AKAP6: variants seen among roughly 807,000 people sequenced by gnomAD.
AKAP6 encodes the protein A-kinase anchor protein 6.
Under a neutral mutation model 188.5 loss-of-function variants are expected in AKAP6, and 58 were observed. The ratio of observed to expected loss-of-function variants is 0.31; its 90% CI spans 0.25 to 0.38. The LOEUF is 0.38. Among genes scored for constraint, AKAP6 ranks in the 10% least tolerant of loss-of-function variants. AKAP6 has a pLI of 1.00. For synonymous variants in AKAP6, 989 were observed against 998.6 expected, an observed-to-expected ratio of 0.99 and a Z score of 0.18; for missense variants, 2,710 against 2,740.0, an observed-to-expected ratio of 0.99 and a Z score of 0.24.
intron 7 of AKAP6, among the ~76,000 whole-genome samples, chr14:32,626,032 T>C (rs534646032): frequency 1.5e-3 from 233 of 152,246 alleles, no homozygotes; most frequent in Non-Finnish European, 2.8e-3. Context: ...TACAAATACG[T>C]GGAAGCACTA....
chr14:32,737,862 T>G (rs1344538485), intron 11 of AKAP6, among the ~76,000 whole-genome samples: 1 of 152,186 alleles, frequency 6.6e-6, no homozygotes, highest in East Asian at 1.9e-4. Context: ...GAACTGCGTT[T>G]CCTTCTAATA....
intron 12 of AKAP6, among the ~76,000 whole-genome samples, chr14:32,775,950 AAG>A (rs1455102491): frequency 1.3e-5 from 2 of 152,212 alleles, no homozygotes; most frequent in African/African-American, 4.8e-5. Context: ...AAAAGGAATG[AAG>A]AGAGTGGTCT....
intron 2 of AKAP6, among the ~76,000 whole-genome samples, chr14:32,434,179 G>A (rs1164738433): frequency 6.6e-6 from 1 of 152,188 alleles, no homozygotes; most frequent in African/African-American, 2.4e-5. Flanking sequence ...AGCTGTGATT[G>A]TGAGTATTTG....
chr14:32,515,025 G>A (rs1474201480), intron 2 of AKAP6, among the ~76,000 whole-genome samples: 1 of 152,168 alleles, frequency 6.6e-6, no homozygotes, highest in African/African-American at 2.4e-5. Context: ...GAATGTATTA[G>A]TCTGTTCTCA....
At chr14:32,809,115 T>A (rs985258595) in intron 12 of AKAP6, among the ~76,000 whole-genome samples, 2 of 152,246 alleles carry the variant, frequency 1.3e-5, no homozygotes, top group Admixed American at 6.5e-5. Flanking sequence ...TCAGTGTACG[T>A]GGGCTTTGGA....
intron 7 of AKAP6, among the ~76,000 whole-genome samples, chr14:32,602,234 C>CA (rs1885956459): frequency 6.6e-6 from 1 of 152,250 alleles, no homozygotes; most frequent in African/African-American, 2.4e-5. Flanking sequence ...TAAGAAACGA[C>CA]ACAGTTAAAA....
chr14:32,694,726 C>A (rs1890331230), intron 8 of AKAP6, among the ~76,000 whole-genome samples: 1 of 139,762 alleles, frequency 7.2e-6, no homozygotes, highest in Non-Finnish European at 1.6e-5. Context: ...TCTATTCCCC[C>A]CCACCCCATC....
chr14:32,356,007 G>A lies in AKAP6; in HGVS notation c.-35+26599G>A, dbSNP rs1887472359. 2.0e-5 allele frequency among the ~76,000 whole-genome samples: 3 copies of A among 151,962 alleles called. 1 individual carries two copies. Among genetic ancestry groups the A allele is most frequent in the Admixed American group, 2.0e-4 (3 of 15,256 alleles). ...TTGCCCAGGCTGATCTCAAACTCTG[G>A]GCTCAAGTGATCCTCTTGCCTCAGC... On this transcript the variant is annotated intron_variant, in intron 1 of 13. Coordinates refer to ENST00000280979, the MANE Select transcript of AKAP6 (RefSeq NM_004274.5).
chr14:32,373,017 G>T (rs1258810859), intron 1 of AKAP6, among the ~76,000 whole-genome samples: 3 of 151,876 alleles, frequency 2.0e-5, no homozygotes, highest in Admixed American at 1.3e-4. Context: ...TAGAAATTTT[G>T]AGAGAATTTT....
rs1026750554 is a variant in AKAP6 at position 32,599,501 on chromosome 14, A to G, written c.2561A>G (p.Lys854Arg). The change falls in exon 6 of 14, where the codon AAA becomes AGA. Residue 854 changes from lysine (K) to arginine (R), a missense_variant. By Grantham distance (26) the Lys-to-Arg change is conservative. Around this residue, in one of 2 missense-constraint regions of AKAP6, gnomAD observed 2,473 missense variants for 2,426.1 expected, o/e 1.02. Coordinates refer to ENST00000280979, the MANE Select transcript of AKAP6 (RefSeq NM_004274.5). The stretch of plus-strand genomic sequence containing the variant: ...CTTCTTGAGCTTATTGCATCTCACA[A>G]AGCAGGTAAATCCTCCTGAAATATT... The part of the protein sequence containing the change: ...HQLLELIASH[K>R]AGLKDMLRMI... 6.2e-7 allele frequency: 1 copy of G among 1,612,604 alleles called. No individual in the cohort carries two copies. The highest frequency in any genetic ancestry group is 1.3e-5 in the African/African-American group (1 of 74,860).
chr14:32,802,595 A>G (rs910650720), intron 12 of AKAP6, among the ~76,000 whole-genome samples: 3 of 152,162 alleles, frequency 2.0e-5, no homozygotes, highest in Non-Finnish European at 2.9e-5. Flanking sequence ...CTATTTATCA[A>G]TATCCTGAAA....
chr14:32,542,898 A>G (rs538143226), intron 3 of AKAP6, among the ~76,000 whole-genome samples: 22 of 152,276 alleles, frequency 1.4e-4, no homozygotes, highest in African/African-American at 4.6e-4. Flanking sequence ...GAAGTGTGTC[A>G]TTTTTTGTTT....
intron 1 of AKAP6, among the ~76,000 whole-genome samples, chr14:32,379,526 T>C (rs574036464): frequency 6.6e-6 from 1 of 152,230 alleles, no homozygotes; most frequent in East Asian, 1.9e-4. Context: ...CTCATTCTGC[T>C]CCTCACTTCC....
At chr14:32,731,395 A>T (rs1212231351) in intron 9 of AKAP6, among the ~76,000 whole-genome samples, 1 of 152,108 alleles carries the variant, frequency 6.6e-6, no homozygotes, top group African/African-American at 2.4e-5. Context: ...ATTTGAACTT[A>T]TTGATTTATT....
intron 9 of AKAP6, among the ~76,000 whole-genome samples, chr14:32,730,063 A>C (rs886397034): frequency 1.3e-5 from 2 of 152,198 alleles, no homozygotes; most frequent in African/African-American, 4.8e-5. Flanking sequence ...TACTAGCATC[A>C]ACAAAAATAT....
At chr14:32,815,843 A>C (rs1594976686) in intron 12 of AKAP6, among the ~76,000 whole-genome samples, 1 of 152,152 alleles carries the variant, frequency 6.6e-6, no homozygotes, top group Non-Finnish European at 1.5e-5. Flanking sequence ...AACAGTCTAT[A>C]AGGCAGATAC....
chr14:32,812,572 T>G (rs924947180), intron 12 of AKAP6, among the ~76,000 whole-genome samples: 1 of 152,176 alleles, frequency 6.6e-6, no homozygotes, highest in African/African-American at 2.4e-5. Flanking sequence ...TCAAGATAAT[T>G]TATTTGCCAG....
intron 10 of AKAP6, chr14:32,733,972 TAA>T (rs1339785748): frequency 6.6e-6 from 1 of 152,154 alleles, no homozygotes; most frequent in Admixed American, 6.6e-5. Context: ...GAAAATTGTT[TAA>T]GTTATGTCAC....
intron 9 of AKAP6, chr14:32,718,308 C>G: frequency 6.1e-6 from 6 of 985,292 alleles, no homozygotes; most frequent in Non-Finnish European, 7.2e-6. Flanking sequence ...TCTGAGGCTG[C>G]AGCAGCAGCG....
Sources: gnomAD v4.1 joint callset for allele counts (sites outside exome capture counted in the v4.1 genomes callset) on GRCh38, gnomAD v4.1.1 for gene constraint, gnomAD v4.1.1 regional missense constraint, MANE v1.5 for transcripts, NCBI Gene and HGNC (gene_info 2026-07-23, HGNC 2026-07-21) for gene names.